The following ZNF28 variants were observed in gnomAD, a reference collection of about 807,000 sequenced individuals.
ZNF28 encodes zinc finger protein KOX24.
Under a neutral mutation model 7.2 loss-of-function variants are expected in ZNF28, and 5 were observed. The ratio of observed to expected loss-of-function variants is 0.70; its 90% CI spans 0.36 to 1.46. The LOEUF (loss-of-function observed/expected upper bound fraction) is 1.46. Ranked by LOEUF, ZNF28 falls within the 40% of genes most tolerant of loss-of-function variation. ZNF28 has a pLI of 0.03. For synonymous variants in ZNF28, 288 were observed against 292.4 expected, an observed-to-expected ratio of 0.99 and a Z score of 0.15; for missense variants, 879 against 866.6, an observed-to-expected ratio of 1.01 and a Z score of -0.18.
chr19:52,801,816 C>T, intron 3 of ZNF28, 114 bp from the exon 4 acceptor site: 1 of 1,030,174 alleles, frequency 9.7e-7, no homozygotes, highest in South Asian at 1.9e-5. Flanking sequence ...CAAACATGAT[C>T]TTCAAAGTTT....
At chr19:52,802,823 T>C (rs550379817) in intron 3 of ZNF28, among the ~76,000 whole-genome samples, 2 of 150,078 alleles carry the variant, frequency 1.3e-5, no homozygotes, top group Admixed American at 6.7e-5. Context: ...TGCAGTGGCA[T>C]GATCTCGGCT....
Position 52,800,858 on chromosome 19 carries a change from A to T in ZNF28, c.987T>A (p.Cys329Ter). 1.2e-6 allele frequency: 2 copies of T among 1,614,072 alleles called. No homozygotes were observed. The highest frequency in any genetic ancestry group is 1.7e-6 in the Non-Finnish European group (2 of 1,179,964). Residue 329 changes from cysteine to a stop codon, truncating the protein, a stop_gained, in exon 4 of 4, where the codon TGT becomes TGA. Coordinates refer to ENST00000457749, the MANE Select transcript of ZNF28 (RefSeq NM_006969.5). LOFTEE classifies it low-confidence loss of function (END_TRUNC). ...IIYTGGKPYK[C>*]KVCDKAFTCN... is the part of the protein sequence containing the mutation. ...ATGTGAAAGCTTTGTCACAAACCTTACATTTGTATGGTTTCCCTCCAGTAT... is the reference window on the plus strand; with the variant it reads ...ATGTGAAAGCTTTGTCACAAACCTTTCATTTGTATGGTTTCCCTCCAGTAT...
chr19:52,810,890 C>A (rs1443673955), intron 2 of ZNF28, among the ~76,000 whole-genome samples: 1 of 15,162 alleles, frequency 6.6e-5, no homozygotes, highest in Admixed American at 5.4e-4. Flanking sequence ...CCTCCCCCTC[C>A]CCCTCCCCCT....
In ZNF28 at chr19:52,807,920, T is replaced by A. The variant is rs866450197; in HGVS notation, c.142+87A>T. The A allele has an allele frequency of 2.5e-6, 4 of 1,585,148 alleles. No individual in the cohort carries two copies. In the African/African-American group the frequency reaches 4.1e-5, roughly 16 times the overall value. ...TTTCAAAATCAATACGGCTTCCATT[T>A]TAGTCAAGTAAGGATGTGGCTCCCA... is the stretch of plus-strand genomic sequence containing the variant. On this transcript the variant is annotated intron_variant, in intron 3 of 3. Coordinates refer to ENST00000457749, the MANE Select transcript of ZNF28 (RefSeq NM_006969.5).
At chr19:52,807,629 C>A (rs184292416) in intron 3 of ZNF28, among the ~76,000 whole-genome samples, 62 of 152,300 alleles carry the variant, frequency 4.1e-4, no homozygotes, top group African/African-American at 1.5e-3. Context: ...TATGCATCAC[C>A]ATGCCCGGCT....
intron 3 of ZNF28, among the ~76,000 whole-genome samples, chr19:52,804,093 T>C (rs1478073948): frequency 2.0e-5 from 3 of 152,214 alleles, no homozygotes; most frequent in South Asian, 2.1e-4. Context: ...ATAGGACTAG[T>C]GCATTTATAG....
chr19:52,803,117 T>C (rs1413495964), intron 3 of ZNF28, among the ~76,000 whole-genome samples: 1 of 152,070 alleles, frequency 6.6e-6, no homozygotes, highest in Non-Finnish European at 1.5e-5. Context: ...TGTCACTCTG[T>C]CACCCAGGCT....
At position 52,800,674 on chromosome 19, in the gene ZNF28, C is replaced by G. The variant is rs2062854535; in HGVS notation, c.1171G>C (p.Val391Leu). The change falls in exon 4 of 4, where the codon GTT becomes CTT. Residue 391 changes from valine to leucine, a missense_variant. Transcript: ENST00000457749. ...KPYECEECEK[V>L]FSRKSHLERH... ...TCAAGATGTGATTTGCGACTGAAAA[C>G]TTTTTCACATTCTTCACATTCATAA... is the stretch of plus-strand genomic sequence containing the variant. The G allele has an allele frequency of 6.2e-7, 1 of 1,613,336 alleles. No individual in the cohort carries two copies. The highest frequency in any genetic ancestry group is 8.5e-7 in the Non-Finnish European group (1 of 1,179,728).
At position 52,801,657 on chromosome 19, in the gene ZNF28, T is replaced by C; in HGVS notation, c.188A>G (p.Gln63Arg). The C allele has an allele frequency of 1.2e-6, 2 of 1,612,712 alleles. No individual in the cohort carries two copies. Among genetic ancestry groups the C allele is most frequent in the East Asian group, 4.5e-5 (2 of 44,886 alleles). Residue 63 changes from glutamine (Q) to arginine (R), a missense_variant, in exon 4 of 4, where the codon CAA (glutamine) becomes CGA (arginine). Coordinates refer to ENST00000457749, the MANE Select transcript of ZNF28 (RefSeq NM_006969.5). ...TGTGTGGAACGCTTCTGTATTGCCT[T>C]GCCCTGTTGAGAAGAATGTCTTCAT... Reference protein sequence around the residue: ...CMMKTFFSTGQGNTEAFHTGT... With the variant: ...CMMKTFFSTGRGNTEAFHTGT...
chr19:52,798,823 G>T lies in ZNF28; in HGVS notation c.*865C>A. 1.0e-6 allele frequency: 1 copy of T among 974,090 alleles called. No homozygotes were observed. The highest frequency in any genetic ancestry group is 1.3e-5 in the South Asian group (1 of 78,186). The allele number at this position is 974,090 out of a possible 1,614,324, so 60.3% of individuals were successfully genotyped here. On this transcript the variant is annotated 3_prime_UTR_variant, in exon 4 of 4. Transcript: ENST00000457749. ...GATTTGCAATGGTTGTAGCATTACT[G>T]AAAACTTTGTGACAATCATTATATT...
chr19:52,806,113 T>G (rs929142276), intron 3 of ZNF28: 1 of 152,116 alleles, frequency 6.6e-6, no homozygotes, highest in Admixed American at 6.6e-5. Context: ...TTAACAAAAA[T>G]GCAACATACA....
In ZNF28 at chr19:52,813,837, G is replaced by GT. The variant is rs2063087633; in HGVS notation, c.15+4106dup. Among the ~76,000 whole-genome samples, 2 of 146,228 alleles carry GT rather than the reference G, an allele frequency of 1.4e-5. 1 individual carries two copies. The highest frequency in any genetic ancestry group is 4.6e-4 in the South Asian group (2 of 4,366). ...GGTTTAGAGGTGTTTCTGTTTTTCA[G>GT]TTTTTTGTTTTGTTTTGTCTTCCTT... On this transcript the variant is annotated intron_variant, in intron 2 of 3. Transcript: ENST00000457749.
At chr19:52,807,763 C>G (rs935448177) in intron 3 of ZNF28, 14 of 673,026 alleles carry the variant, frequency 2.1e-5, no homozygotes, top group Admixed American at 3.3e-5. Flanking sequence ...GCGTGAGCCA[C>G]CACGACCAGG....
chr19:52,801,079 G>A lies in ZNF28; in HGVS notation c.766C>T (p.Arg256Ter), dbSNP rs753728045. The A allele has an allele frequency of 1.2e-5, 19 of 1,613,960 alleles. No individual in the cohort carries two copies. In the South Asian group the frequency reaches 1.5e-4, roughly 13 times the overall value. ...DVYGKVFNQK[R>*]YLACHRRSHI... Reference sequence around the variant, plus strand: ...GATCTACGATGGCATGCAAGGTATCGCTTCTGATTAAATACCTTGCCATAT... The same window carrying A: ...GATCTACGATGGCATGCAAGGTATCACTTCTGATTAAATACCTTGCCATAT... Residue 256 changes from arginine to a stop codon, truncating the protein, a stop_gained, in exon 4 of 4, where the codon CGA becomes TGA. Coordinates refer to ENST00000457749, the MANE Select transcript of ZNF28 (RefSeq NM_006969.5). LOFTEE classifies it low-confidence loss of function (END_TRUNC).
At position 52,800,024 on chromosome 19, in the gene ZNF28, G is replaced by T. The variant is rs148770706; in HGVS notation, c.1821C>A (p.Tyr607Ter). ...AGGTCTTGCCACACTCATTACACTT[G>T]TAAGGTTTCTCTCCAGTATGAACTC... ...HQRVHTGEKP[Y>*]KCNECGKTFR... Residue 607 changes from tyrosine to a stop codon, truncating the protein, a stop_gained, in exon 4 of 4, where the codon TAC becomes TAA. Coordinates refer to ENST00000457749, the MANE Select transcript of ZNF28 (RefSeq NM_006969.5). LOFTEE classifies it low-confidence loss of function (END_TRUNC). 3.1e-6 allele frequency: 5 copies of T among 1,614,180 alleles called. No homozygotes were observed. Among genetic ancestry groups the T allele is most frequent in the African/African-American group, 1.3e-5 (1 of 75,046 alleles).
chr19:52,799,511 AT>A lies in ZNF28; in HGVS notation c.*176del. ...TTTGATTAAAAACCTTGCCACATTC[AT>A]TACACTTGTAAAGTTTCTCTCCAGT... On this transcript the variant is annotated 3_prime_UTR_variant, in exon 4 of 4. Coordinates refer to ENST00000457749, the MANE Select transcript of ZNF28 (RefSeq NM_006969.5). 8.2e-7 allele frequency: 1 copy of A among 1,214,462 alleles called. No individual in the cohort carries two copies. Among genetic ancestry groups the A allele is most frequent in the South Asian group, 1.3e-5 (1 of 75,510 alleles). 75.2% of individuals were successfully genotyped at this position (1,214,462 alleles called of 1,614,324 possible).
At chr19:52,806,652 A>T (rs1199917170) in intron 3 of ZNF28, among the ~76,000 whole-genome samples, 1 of 147,518 alleles carries the variant, frequency 6.8e-6, no homozygotes, top group Non-Finnish European at 1.5e-5. Flanking sequence ...CTACGGTCCC[A>T]GTGTTTTGGG....
chr19:52,818,952 G>A (rs1397571310), intron 1 of ZNF28, among the ~76,000 whole-genome samples: 1 of 139,948 alleles, frequency 7.1e-6, no homozygotes, highest in Non-Finnish European at 1.5e-5. Context: ...CTTGAGTAAT[G>A]TGATAGACAC....
rs765912845 is a variant in ZNF28, at chr19:52,800,677, T to A, written c.1168A>T (p.Lys390Ter). 3.3e-5 allele frequency: 54 copies of A among 1,613,844 alleles called. No individual in the cohort carries two copies. Among genetic ancestry groups the A allele is most frequent in the Non-Finnish European group, 4.3e-5 (51 of 1,179,966 alleles). Residue 390 changes from lysine to a stop codon, truncating the protein, a stop_gained, in exon 4 of 4, where the codon AAA (lysine) becomes TAA (stop). Transcript: ENST00000457749. LOFTEE classifies it low-confidence loss of function (END_TRUNC). Reference protein sequence around the residue: ...EKPYECEECEKVFSRKSHLER... With the variant: ...EKPYECEECE ...AGATGTGATTTGCGACTGAAAACTTTTTCACATTCTTCACATTCATAAGGT... is the reference window on the plus strand; with the variant it reads ...AGATGTGATTTGCGACTGAAAACTTATTCACATTCTTCACATTCATAAGGT...
Sources: gnomAD v4.1 joint callset for allele counts (sites outside exome capture counted in the v4.1 genomes callset) on GRCh38, gnomAD v4.1.1 for gene constraint, MANE v1.5 for transcripts, NCBI Gene and HGNC (gene_info 2026-07-23, HGNC 2026-07-21) for gene names.